TXNL4A: variants seen among roughly 807,000 people sequenced by gnomAD.
TXNL4A encodes the protein thioredoxin-like protein 4A.
Under a neutral mutation model 14.6 loss-of-function variants are expected in TXNL4A, and 17 were observed. The observed-to-expected ratio is 1.16, with a 90% CI of 0.80 to 1.74. The LOEUF is 1.74. Ranked by LOEUF, TXNL4A falls within the 40% of genes most tolerant of loss-of-function variation. TXNL4A has a pLI of 0.00. For synonymous variants in TXNL4A, 83 were observed against 70.6 expected, an observed-to-expected ratio of 1.18 and a Z score of -0.88; for missense variants, 74 against 195.2, an observed-to-expected ratio of 0.38 and a Z score of 3.70.
At chr18:79,996,176 A>G (rs1447494857) in intron 1 of TXNL4A, among the ~76,000 whole-genome samples, 2 of 151,970 alleles carry the variant, frequency 1.3e-5, no homozygotes, top group Non-Finnish European at 2.9e-5. Context: ...ATGAAAGAAA[A>G]GACAAGAAAA....
intron 1 of TXNL4A, among the ~76,000 whole-genome samples, chr18:80,010,414 ACAGAGG>A (rs2051762214): frequency 1.3e-5 from 2 of 152,308 alleles, no homozygotes; most frequent in South Asian, 4.1e-4. Context: ...GCGATGATTC[ACAGAGG>A]CTGCTTAGCC....
chr18:80,026,481 C>A (rs932802056), intron 1 of TXNL4A, among the ~76,000 whole-genome samples: 2 of 151,982 alleles, frequency 1.3e-5, no homozygotes, highest in Non-Finnish European at 2.9e-5. Flanking sequence ...AAATATTCTA[C>A]CCTGACAAAA....
chr18:79,980,714 G>A (rs1226341054), intron 1 of TXNL4A, among the ~76,000 whole-genome samples: 2 of 151,528 alleles, frequency 1.3e-5, no homozygotes, highest in Admixed American at 6.6e-5. Flanking sequence ...CTGCAGGAGC[G>A]TGCGCCTCGC....
chr18:80,009,172 C>T (rs530538240), intron 1 of TXNL4A, among the ~76,000 whole-genome samples: 8 of 152,222 alleles, frequency 5.3e-5, no homozygotes, highest in East Asian at 1.9e-4. Flanking sequence ...GCAATTTCAA[C>T]GAAAGTAATA....
intron 1 of TXNL4A, among the ~76,000 whole-genome samples, chr18:80,013,732 T>C (rs1374992720): frequency 6.6e-6 from 1 of 152,192 alleles, no homozygotes; most frequent in Non-Finnish European, 1.5e-5. Context: ...GCGTGAGCCA[T>C]TGCACCCAGC....
intron 1 of TXNL4A, among the ~76,000 whole-genome samples, chr18:80,010,239 TGGG>T (rs1352369730): frequency 1.3e-5 from 2 of 152,146 alleles, no homozygotes; most frequent in African/African-American, 4.8e-5. Flanking sequence ...GGGTCCTGAA[TGGG>T]GTGGCCACTA....
intron 1 of TXNL4A, chr18:79,986,522 GATTC>G (rs779118568): frequency 7.3e-6 from 7 of 957,142 alleles, no homozygotes; most frequent in Non-Finnish European, 8.7e-6. Context: ...GTGATACAGT[GATTC>G]ATTCTGTAAT....
chr18:80,021,007 AC>A (rs2145124923), intron 1 of TXNL4A, among the ~76,000 whole-genome samples: 1 of 151,878 alleles, frequency 6.6e-6, no homozygotes, highest in South Asian at 2.1e-4. Context: ...TTCTTGAGAA[AC>A]CCCCTCAGTT....
chr18:80,023,427 T>C (rs983885421), intron 1 of TXNL4A, among the ~76,000 whole-genome samples: 3 of 152,142 alleles, frequency 2.0e-5, no homozygotes, highest in Non-Finnish European at 2.9e-5. Context: ...GTTGCAAACG[T>C]TACGTAAAAA....
At chr18:79,985,780 T>G (rs373099830) in intron 1 of TXNL4A, 1 of 152,312 alleles carries the variant, frequency 6.6e-6, no homozygotes, top group East Asian at 1.9e-4. Context: ...GCCTGAACAT[T>G]TGCAACTGTT....
Position 79,988,532 on chromosome 18 carries a change from C to T in TXNL4A, c.-140G>A, listed in dbSNP as rs2051593880. ...ATCCGGTCCCGCCCGCACACGCAAACTCCGCTGGGACTGCCACCCGGCAGA... is the reference window on the plus strand; with the variant it reads ...ATCCGGTCCCGCCCGCACACGCAAATTCCGCTGGGACTGCCACCCGGCAGA... On this transcript the variant is annotated 5_prime_UTR_variant, in exon 1 of 3. Transcript: ENST00000269601. The T allele has an allele frequency of 1.1e-6, 1 of 921,484 alleles. No homozygotes were observed. Among genetic ancestry groups the T allele is most frequent in the Non-Finnish European group, 1.4e-6 (1 of 702,716 alleles). The allele number at this position is 921,484 out of a possible 1,614,324, so 57.1% of individuals were successfully genotyped here.
rs570120825 is a variant in TXNL4A, at chr18:79,985,410, G to A, written c.153+2830C>T. On this transcript the variant is annotated intron_variant, in intron 1 of 2. Coordinates refer to ENST00000269601, the MANE Select transcript of TXNL4A (RefSeq NM_006701.5). ...TGGGACCACAGGCACATGCCACAAC[G>A]CCTAGCTAATGTTTGCATTTTTTGT... Among the ~76,000 whole-genome samples, 5 of 152,140 alleles carry A rather than the reference G, an allele frequency of 3.3e-5. No homozygotes were observed. The South Asian group carries it at 1.0e-3, about 32-fold the overall frequency.
At chr18:79,983,050 G>A (rs2051488253) in intron 1 of TXNL4A, among the ~76,000 whole-genome samples, 1 of 152,136 alleles carries the variant, frequency 6.6e-6, no homozygotes, top group Non-Finnish European at 1.5e-5. Flanking sequence ...ACCCAGGCTG[G>A]AGCAGAGTGG....
chr18:79,990,258 T>C (rs1464939127), upstream of TXNL4A, among the ~76,000 whole-genome samples: 1 of 152,268 alleles, frequency 6.6e-6, no homozygotes, highest in Non-Finnish European at 1.5e-5. Context: ...AAATGCTTTA[T>C]TGTAATGAAA....
At chr18:79,977,328 A>C (rs1222097750) in intron 2 of TXNL4A, 1 of 507,662 alleles carries the variant, frequency 2.0e-6, no homozygotes, top group Admixed American at 3.9e-5. Flanking sequence ...TGTCAGTAAC[A>C]ACATCTTTCA....
intron 1 of TXNL4A, among the ~76,000 whole-genome samples, chr18:80,016,306 G>A (rs1198701139): frequency 3.3e-5 from 5 of 152,200 alleles, no homozygotes; most frequent in Admixed American, 3.3e-4. Flanking sequence ...CTCCCATTTT[G>A]TAGGCTGCCT....
Position 79,982,481 on chromosome 18 carries a change from C to T in TXNL4A, c.154-4780G>A, listed in dbSNP as rs1599722343. Among the ~76,000 whole-genome samples, 1 of 152,112 alleles carries T rather than the reference C, an allele frequency of 6.6e-6. No individual in the cohort carries two copies. The highest frequency in any genetic ancestry group is 2.4e-5 in the African/African-American group (1 of 41,424). On this transcript the variant is annotated intron_variant, in intron 1 of 2. Coordinates refer to ENST00000269601, the MANE Select transcript of TXNL4A (RefSeq NM_006701.5). The surrounding 1 kb of genome is among the most constrained non-coding windows in gnomAD (Gnocchi z 4.0). Reference sequence around the variant, plus strand: ...ACCTACATCCAGCAGTGATCCCAGCCAGGGTGGCAGGTGCCAGGCTTGGGA... The same window carrying T: ...ACCTACATCCAGCAGTGATCCCAGCTAGGGTGGCAGGTGCCAGGCTTGGGA...
intron 1 of TXNL4A, among the ~76,000 whole-genome samples, chr18:80,032,539 G>T (rs1027556679): frequency 1.3e-5 from 2 of 152,176 alleles, no homozygotes; most frequent in Admixed American, 6.5e-5. Flanking sequence ...CTGGTGAGCT[G>T]TTGAAATTTC....
At position 79,981,832 on chromosome 18, in the gene TXNL4A, A is replaced by G. The variant is rs57071627; in HGVS notation, c.154-4131T>C. 9.1e-4 allele frequency among the ~76,000 whole-genome samples: 139 copies of G among 152,376 alleles called. No individual in the cohort carries two copies. The East Asian group carries it at 0.025, about 27-fold the overall frequency. On this transcript the variant is annotated intron_variant, in intron 1 of 2. Transcript: ENST00000269601. ...CACATAAAGCTCACGTGCCACGAGAACGTGAACATCCTCTGATTTCACCAC... is the reference window on the plus strand; with the variant it reads ...CACATAAAGCTCACGTGCCACGAGAGCGTGAACATCCTCTGATTTCACCAC...
Sources: gnomAD v4.1 joint callset for allele counts (sites outside exome capture counted in the v4.1 genomes callset) on GRCh38, gnomAD v4.1.1 for gene constraint, Gnocchi (gnomAD v3.1) non-coding constraint, MANE v1.5 for transcripts, NCBI Gene and HGNC (gene_info 2026-07-23, HGNC 2026-07-21) for gene names.